Variants in RALGAPA1 observed in about 807,000 individuals in gnomAD.
RALGAPA1 encodes ral GTPase-activating protein subunit alpha-1.
A neutral mutation model predicts 269.6 loss-of-function variants in RALGAPA1; 52 were observed. That is an observed-to-expected ratio of 0.19 (90% CI 0.15 to 0.24). The LOEUF (loss-of-function observed/expected upper bound fraction) is 0.24, where lower values mean the gene tolerates loss of function less well. Ranked by LOEUF, RALGAPA1 falls within the 10% of genes least tolerant of loss-of-function variation. RALGAPA1 has a pLI of 1.00. For synonymous variants in RALGAPA1, 817 were observed against 1,008.3 expected, an observed-to-expected ratio of 0.81 and a Z score of 3.60; for missense variants, 1,917 against 3,013.9, an observed-to-expected ratio of 0.64 and a Z score of 8.52.
intron 12 of RALGAPA1, 30 bp downstream of exon 12, chr14:35,738,483 A>AT: frequency 1.3e-6 from 2 of 1,513,464 alleles, no homozygotes; most frequent in Non-Finnish European, 1.8e-6. Flanking sequence ...TGATTATTTT[A>AT]TTTTTAAAAA....
Position 35,742,390 on chromosome 14 carries a change from T to C in RALGAPA1, c.1427A>G (p.Glu476Gly), listed in dbSNP as rs1491002695. 3 of 1,596,878 alleles carry C rather than the reference T, an allele frequency of 1.9e-6. No individual in the cohort carries two copies. The highest frequency in any genetic ancestry group is 2.3e-5 in the East Asian group (1 of 44,364). ...ENVTDHDISMEEGEKREEENG... is the reference protein window; with the variant it reads ...ENVTDHDISMGEGEKREEENG... ...CACCTCTTCTCTTTTTTCTCCTTCTTCCATTGAAATATCATGGTCTGTGAC... is the reference window on the plus strand; with the variant it reads ...CACCTCTTCTCTTTTTTCTCCTTCTCCCATTGAAATATCATGGTCTGTGAC... The change falls in exon 11 of 42, where the codon GAA becomes GGA. Residue 476 changes from glutamate (E) to glycine (G), a missense_variant. Glu to Gly is a moderately conservative substitution (Grantham distance 98). This residue lies in a region of RALGAPA1 where 462 missense variants were observed against 725.6 expected (regional missense o/e 0.64). Coordinates refer to ENST00000680220, the MANE Select transcript of RALGAPA1 (RefSeq NM_001346249.2).
intron 4 of RALGAPA1, among the ~76,000 whole-genome samples, chr14:35,764,870 T>A (rs1167187788): frequency 1.3e-5 from 2 of 152,124 alleles, no homozygotes; most frequent in Non-Finnish European, 2.9e-5. Flanking sequence ...ATATAATCAA[T>A]TTGCCAGTGT....
At chr14:35,590,260 T>C (rs375788685) in intron 37 of RALGAPA1, among the ~76,000 whole-genome samples, 6 of 152,224 alleles carry the variant, frequency 3.9e-5, no homozygotes, top group Non-Finnish European at 8.8e-5. Context: ...CCACCACTCA[T>C]TGCAATCTAA....
intron 12 of RALGAPA1, among the ~76,000 whole-genome samples, chr14:35,735,748 T>C (rs1384413219): frequency 6.6e-6 from 1 of 151,452 alleles, no homozygotes; most frequent in African/African-American, 2.4e-5. Flanking sequence ...GGGGGAAAAA[T>C]GAATAGAAAA....
At chr14:35,715,641 C>T (rs749678745) in intron 16 of RALGAPA1, 48 of 796,854 alleles carry the variant, frequency 6.0e-5, no homozygotes, top group Non-Finnish European at 7.1e-5. Flanking sequence ...GGAGGCCTAA[C>T]TGAGAGTGAA....
At chr14:35,545,596 C>T (rs1435589024) in intron 41 of RALGAPA1, among the ~76,000 whole-genome samples, 3 of 151,846 alleles carry the variant, frequency 2.0e-5, no homozygotes, top group Non-Finnish European at 4.4e-5. Context: ...GACAGAAACA[C>T]CTATCAACAC....
At chr14:35,582,482 C>T (rs982209062) in intron 37 of RALGAPA1, among the ~76,000 whole-genome samples, 1 of 152,012 alleles carries the variant, frequency 6.6e-6, no homozygotes, top group Non-Finnish European at 1.5e-5. Flanking sequence ...TCCTGGTGTC[C>T]CACTGGAGAG....
chr14:35,676,003 C>T (rs1367572186), intron 22 of RALGAPA1, among the ~76,000 whole-genome samples: 2 of 150,090 alleles, frequency 1.3e-5, no homozygotes, highest in African/African-American at 2.4e-5. Flanking sequence ...TTCTCCATTA[C>T]AAGAAAAAAA....
intron 31 of RALGAPA1, among the ~76,000 whole-genome samples, chr14:35,644,219 T>C (rs2062225322): frequency 6.6e-6 from 1 of 152,174 alleles, no homozygotes; most frequent in Non-Finnish European, 1.5e-5. Flanking sequence ...AAGATCTCTA[T>C]GAACTTACGT....
chr14:35,800,880 C>T (rs2076916632), intron 1 of RALGAPA1, among the ~76,000 whole-genome samples: 1 of 152,072 alleles, frequency 6.6e-6, no homozygotes, highest in African/African-American at 2.4e-5. Context: ...TGGCGCATGC[C>T]TGTAGTCCCA....
intron 39 of RALGAPA1, among the ~76,000 whole-genome samples, chr14:35,559,440 T>C (rs1433957053): frequency 6.6e-6 from 1 of 152,142 alleles, no homozygotes; most frequent in East Asian, 1.9e-4. Flanking sequence ...TGAACAATAA[T>C]GTGAGTGGAG....
At chr14:35,637,957 T>C (rs1353954606) in intron 31 of RALGAPA1, among the ~76,000 whole-genome samples, 1 of 152,180 alleles carries the variant, frequency 6.6e-6, no homozygotes. Context: ...TCTAAAATAA[T>C]ATATCCAGTG....
chr14:35,678,253 T>C, intron 21 of RALGAPA1, 151 bp from the exon 22 acceptor site: 1 of 639,712 alleles, frequency 1.6e-6, no homozygotes, highest in Non-Finnish European at 2.5e-6. Flanking sequence ...ATCATAATAT[T>C]ATACAAGCTT....
At chr14:35,645,395 GTTA>G (rs1555387943) in intron 31 of RALGAPA1, among the ~76,000 whole-genome samples, 5 of 145,912 alleles carry the variant, frequency 3.4e-5, no homozygotes, top group East Asian at 2.1e-4. Flanking sequence ...GTGTGTATAT[GTTA>G]TGTATTTCCT....
At chr14:35,765,797 A>G (rs2074093794) in intron 4 of RALGAPA1, 1 of 500,406 alleles carries the variant, frequency 2.0e-6, no homozygotes, top group African/African-American at 2.0e-5. Context: ...CAGCCAGCCA[A>G]AAATTACTGT....
rs2059489196 is a variant in RALGAPA1 at position 35,604,721 on chromosome 14, T to C, written c.7053+865A>G. Among the ~76,000 whole-genome samples the C allele has an allele frequency of 1.3e-5, 2 of 152,136 alleles. 1 individual carries two copies. Among genetic ancestry groups the C allele is most frequent in the South Asian group, 4.1e-4 (2 of 4,838 alleles). ...CAAGGATACAATTTCCAGTGTACTA[T>C]ATAATAAATATATGTGCTTTAAGTG... On this transcript the variant is annotated intron_variant, in intron 36 of 41. Transcript: ENST00000680220.
At chr14:35,604,674 T>C (rs538143277) in intron 36 of RALGAPA1, among the ~76,000 whole-genome samples, 1 of 152,174 alleles carries the variant, frequency 6.6e-6, no homozygotes, top group African/African-American at 2.4e-5. Flanking sequence ...TAATAATTTT[T>C]ATCAAAAGTT....
At chr14:35,784,545 T>A (rs1451107358) in intron 1 of RALGAPA1, among the ~76,000 whole-genome samples, 2 of 152,158 alleles carry the variant, frequency 1.3e-5, no homozygotes, top group African/African-American at 2.4e-5. Context: ...TTTTAGCTCA[T>A]CTAATATTCA....
chr14:35,721,217 G>A (rs537939218), intron 16 of RALGAPA1, among the ~76,000 whole-genome samples: 2 of 152,262 alleles, frequency 1.3e-5, no homozygotes, highest in African/African-American at 4.8e-5. Context: ...AAGAAACTCA[G>A]TAACAGACTC....
Sources: gnomAD v4.1 joint callset for allele counts (sites outside exome capture counted in the v4.1 genomes callset) on GRCh38, gnomAD v4.1.1 for gene constraint, gnomAD v4.1.1 regional missense constraint, MANE v1.5 for transcripts, NCBI Gene and HGNC (gene_info 2026-07-23, HGNC 2026-07-21) for gene names.